The following RNPC3 variants were observed in gnomAD, a reference collection of about 807,000 sequenced individuals.
RNPC3 encodes RNA binding region (RNP1, RRM) containing 3, also known as RNA-binding region-containing protein 3.
RNPC3 carries 48 observed loss-of-function variants against 67.5 expected under a neutral mutation model. That is an observed-to-expected ratio of 0.71 (90% CI 0.56 to 0.90). The LOEUF (loss-of-function observed/expected upper bound fraction) is 0.90. Ranked by LOEUF, RNPC3 falls within the 40% of genes least tolerant of loss-of-function variation. RNPC3 has a pLI of 0.00. For synonymous variants in RNPC3, 239 were observed against 210.3 expected (o/e 1.14, Z -1.18); for missense variants, 637 against 626.1 (o/e 1.02, Z -0.19).
chr1:103,543,317 A>G lies in RNPC3; in HGVS notation c.915A>G (p.Leu305=). 1 of 1,484,516 alleles carries G rather than the reference A, an allele frequency of 6.7e-7. No individual in the cohort carries two copies. Among genetic ancestry groups the G allele is most frequent in the East Asian group, 2.7e-5 (1 of 37,490 alleles). The allele number at this position is 1,484,516 out of a possible 1,614,324, so 92.0% of individuals were successfully genotyped here. A position where few individuals can be genotyped will look rare whatever the true frequency, so the allele number is the denominator to read the frequency against. The change falls in exon 9 of 15, where the codon TTA becomes TTG. Residue 305 remains leucine, a synonymous_variant. Coordinates refer to ENST00000423855, the MANE Select transcript of RNPC3 (RefSeq NM_017619.4). The part of the protein sequence containing the change: ...PSHSSLHPVL[L]PSDVFDQPQP... ...ATAGCAGTTTACATCCAGTGCTGTT[A>G]CCTTCAGATGTATTTGACCAACCAC... is the stretch of plus-strand genomic sequence containing the variant.
In RNPC3 at chr1:103,555,126, A is replaced by C. The variant is rs1300181313; in HGVS notation, c.*105A>C. The C allele has an allele frequency of 6.6e-6, 1 of 152,068 alleles. No individual in the cohort carries two copies. Among genetic ancestry groups the C allele is most frequent in the Non-Finnish European group, 1.5e-5 (1 of 67,974 alleles). The allele number at this position is 152,068 out of a possible 1,614,324, so 9.4% of individuals were successfully genotyped here. On this transcript the variant is annotated 3_prime_UTR_variant, in exon 15 of 15. Coordinates refer to ENST00000423855, the MANE Select transcript of RNPC3 (RefSeq NM_017619.4). ...TATGGAACTGTGCGTAACAGCTTTG[A>C]AAGTGTATTTAAAAATTAAATCTAT... is the stretch of plus-strand genomic sequence containing the variant.
At chr1:103,536,930 T>A (rs996463158) in intron 6 of RNPC3, among the ~76,000 whole-genome samples, 1 of 152,160 alleles carries the variant, frequency 6.6e-6, no homozygotes, top group African/African-American at 2.4e-5. Flanking sequence ...TTTCCAAAAG[T>A]AGAGCAGAGG....
At chr1:103,537,875 C>G (rs1348883872) in intron 7 of RNPC3, among the ~76,000 whole-genome samples, 1 of 152,048 alleles carries the variant, frequency 6.6e-6, no homozygotes, top group East Asian at 1.9e-4. Flanking sequence ...CGGAGTTTCG[C>G]TCTTATTGCC....
At chr1:103,530,731 G>A (rs369452530) in intron 2 of RNPC3, among the ~76,000 whole-genome samples, 90 of 152,286 alleles carry the variant, frequency 5.9e-4, no homozygotes, top group African/African-American at 2.0e-3. Flanking sequence ...AGGGAAATCC[G>A]TTAAAATATT....
intron 8 of RNPC3, among the ~76,000 whole-genome samples, chr1:103,542,987 T>A (rs915390834): frequency 3.3e-5 from 5 of 151,746 alleles, no homozygotes; most frequent in Non-Finnish European, 5.9e-5. Context: ...TATTAATAAA[T>A]ATCCTGGTGT....
Position 103,543,383 on chromosome 1 carries a change from C to T in RNPC3, c.981C>T (p.Thr327=), listed in dbSNP as rs1246671839. ...GNKRIEFHIS[T]DMPAAFKKDL... Reference sequence around the variant, plus strand: ...AAAGAATTGAATTCCATATATCTACCGACATGCCAGCTGCATTTAAGAAAG... The same window carrying T: ...AAAGAATTGAATTCCATATATCTACTGACATGCCAGCTGCATTTAAGAAAG... The change falls in exon 9 of 15, where the codon ACC becomes ACT. Residue 327 remains threonine, a synonymous_variant. Transcript: ENST00000423855. 1.3e-5 allele frequency: 20 copies of T among 1,519,502 alleles called. No individual in the cohort carries two copies. The highest frequency in any genetic ancestry group is 3.7e-5 in the South Asian group (3 of 81,324). The allele number at this position is 1,519,502 out of a possible 1,614,324, so 94.1% of individuals were successfully genotyped here. A position where few individuals can be genotyped will look rare whatever the true frequency, so the allele number is the denominator to read the frequency against.
At chr1:103,553,701 T>A (rs1051711309) in intron 14 of RNPC3, 7 of 152,236 alleles carry the variant, frequency 4.6e-5, no homozygotes, top group Admixed American at 4.6e-4. Context: ...ATAATGTGTT[T>A]AAAATTTGGG....
rs367962701 is a variant in RNPC3, at chr1:103,550,568, G to A, written c.1362-373G>A. 8.0e-4 allele frequency among the ~76,000 whole-genome samples: 121 copies of A among 150,946 alleles called. 1 individual carries two copies. The highest frequency in any genetic ancestry group is 2.8e-3 in the African/African-American group (117 of 41,078). On this transcript the variant is annotated intron_variant, in intron 12 of 14. Transcript: ENST00000423855. ...AGGTAGGAGAATGGCGTGAACCTGG[G>A]AGATGGAGCTTGCAGTGAGCGGAGA...
At chr1:103,530,801 A>T (rs1007093021) in intron 2 of RNPC3, among the ~76,000 whole-genome samples, 2 of 152,176 alleles carry the variant, frequency 1.3e-5, no homozygotes, top group African/African-American at 2.4e-5. Context: ...GTTAGCGGTG[A>T]TTAGATTCTT....
chr1:103,530,995 C>T (rs1168577106), intron 2 of RNPC3, among the ~76,000 whole-genome samples: 1 of 152,146 alleles, frequency 6.6e-6, no homozygotes, highest in East Asian at 1.9e-4. Context: ...CTCACCCCCA[C>T]TCCCAACACT....
chr1:103,550,901 A>C, intron 12 of RNPC3, 40 bp from the exon 13 acceptor site: 1 of 1,600,064 alleles, frequency 6.2e-7, no homozygotes, highest in South Asian at 1.1e-5. Context: ...TTCACATTGA[A>C]ACTGACATTC....
chr1:103,527,033 TTATA>T (rs1557754564), intron 1 of RNPC3, among the ~76,000 whole-genome samples: 2 of 151,998 alleles, frequency 1.3e-5, no homozygotes, highest in East Asian at 3.9e-4. Flanking sequence ...AAAAAAAAAA[TTATA>T]TATGGCTCAA....
At position 103,531,067 on chromosome 1, in the gene RNPC3, C is replaced by G. The variant is rs143702410; in HGVS notation, c.241-2672C>G. Among the ~76,000 whole-genome samples, 330 of 152,296 alleles carry G rather than the reference C, an allele frequency of 2.2e-3. 1 individual carries two copies. The highest frequency in any genetic ancestry group is 7.5e-3 in the African/African-American group (310 of 41,562). On this transcript the variant is annotated intron_variant, in intron 2 of 14. Transcript: ENST00000423855. ...ATGCCTTTGGGTCCTCATAGCTTAGCTCCTACTTAGGAGTGAGAACATACG... is the reference window on the plus strand; with the variant it reads ...ATGCCTTTGGGTCCTCATAGCTTAGGTCCTACTTAGGAGTGAGAACATACG...
chr1:103,527,872 C>T, intron 2 of RNPC3, 130 bp downstream of exon 2: 1 of 639,890 alleles, frequency 1.6e-6, no homozygotes. Context: ...CAACAGACTA[C>T]ATTTGATTTG....
chr1:103,551,197 T>C, intron 13 of RNPC3, 124 bp downstream of exon 13: 1 of 793,658 alleles, frequency 1.3e-6, no homozygotes, highest in Non-Finnish European at 2.0e-6. Context: ...TATTCATTCG[T>C]TACAATTAAA....
intron 14 of RNPC3, chr1:103,553,582 C>T (rs1454274201): frequency 6.6e-6 from 1 of 152,112 alleles, no homozygotes; most frequent in Non-Finnish European, 1.5e-5. Context: ...AGAATGTGTT[C>T]ATTTACTTTA....
chr1:103,540,258 T>C (rs149742033), intron 7 of RNPC3, among the ~76,000 whole-genome samples: 1,719 of 152,332 alleles, frequency 0.011, 43 homozygotes, highest in African/African-American at 0.039. Flanking sequence ...CTTCAGTCTT[T>C]TGTGTATAAG....
chr1:103,530,435 C>T (rs754532173), intron 2 of RNPC3, among the ~76,000 whole-genome samples: 1 of 152,068 alleles, frequency 6.6e-6, no homozygotes, highest in African/African-American at 2.4e-5. Flanking sequence ...ATTAGAGGAA[C>T]AGCTGGAACA....
chr1:103,550,742 C>T (rs995572751), intron 12 of RNPC3, among the ~76,000 whole-genome samples, 199 bp from the exon 13 acceptor site: 1 of 151,234 alleles, frequency 6.6e-6, no homozygotes, highest in Admixed American at 6.6e-5. Context: ...AAAAGTATAT[C>T]TTAAACAAAT....
Sources: allele counts gnomAD v4.1 joint callset (sites outside exome capture counted in the v4.1 genomes callset), GRCh38; gene constraint gnomAD v4.1.1; transcripts MANE v1.5; gene names NCBI Gene and HGNC (gene_info 2026-07-23, HGNC 2026-07-21).